The following CPA5 variants were observed in gnomAD, a reference collection of about 807,000 sequenced individuals.
CPA5 encodes carboxypeptidase A5.
CPA5 carries 38 observed loss-of-function variants against 52.2 expected under a neutral mutation model. The observed-to-expected ratio is 0.73, with a 90% confidence interval of 0.56 to 0.95. The LOEUF (loss-of-function observed/expected upper bound fraction) is 0.95. Among genes scored for constraint, CPA5 ranks in the 40% least tolerant of loss-of-function variants. The pLI, the probability that CPA5 is intolerant of heterozygous loss-of-function variation, is 0.00. For synonymous variants in CPA5, 198 were observed against 213.7 expected, an observed-to-expected ratio of 0.93 and a Z score of 0.64; for missense variants, 519 against 566.7, an observed-to-expected ratio of 0.92 and a Z score of 0.86.
In CPA5 at chr7:130,361,224, C is replaced by A; in HGVS notation, c.514C>A (p.Gln172Lys). The change falls in exon 7 of 13, where the codon CAG becomes AAG. Residue 172 changes from glutamine (Q) to lysine (K), a missense_variant. Coordinates refer to ENST00000474905, the MANE Select transcript of CPA5 (RefSeq NM_080385.5). ...KIQIGNSFEN[Q>K]SILVLKFSTG... ...TCAGATTGGCAACAGCTTTGAAAAC[C>A]AGTCCATTCTTGTCCTGAAGGTAAA... 1 of 1,613,086 alleles carries A rather than the reference C, an allele frequency of 6.2e-7. No homozygotes were observed. Among genetic ancestry groups the A allele is most frequent in the East Asian group, 2.2e-5 (1 of 44,882 alleles).
chr7:130,356,268 T>C (rs1795471245), intron 5 of CPA5, among the ~76,000 whole-genome samples: 1 of 152,172 alleles, frequency 6.6e-6, no homozygotes, highest in Non-Finnish European at 1.5e-5. Flanking sequence ...AGGACTGTTC[T>C]TCCCTTAGGG....
At chr7:130,349,544 T>C (rs1554403300) in intron 4 of CPA5, among the ~76,000 whole-genome samples, 1 of 152,240 alleles carries the variant, frequency 6.6e-6, no homozygotes, top group African/African-American at 2.4e-5. Flanking sequence ...AATTTAATTG[T>C]ATATTTTAAA....
chr7:130,367,788 T>G, intron 11 of CPA5, 118 bp from the exon 12 acceptor site: 1 of 957,404 alleles, frequency 1.0e-6, no homozygotes, highest in South Asian at 1.4e-5. Context: ...AAGGGCCATC[T>G]CCACCTTCAA....
At chr7:130,354,581 AT>A (rs1262223934) in intron 5 of CPA5, among the ~76,000 whole-genome samples, 19 of 148,366 alleles carry the variant, frequency 1.3e-4, no homozygotes, top group African/African-American at 2.0e-4. Context: ...ATTATTATTA[AT>A]TTTTTTTTTA....
At chr7:130,369,288 C>T (rs1040385603), downstream of CPA5, among the ~76,000 whole-genome samples, 3 of 152,174 alleles carry the variant, frequency 2.0e-5, no homozygotes, top group Non-Finnish European at 2.9e-5. Flanking sequence ...TCATCATCAG[C>T]GACACCATCC....
chr7:130,357,950 CTCTG>C (rs1284369986), intron 5 of CPA5, among the ~76,000 whole-genome samples: 58 of 77,944 alleles, frequency 7.4e-4, no homozygotes, highest in Admixed American at 1.2e-3. Context: ...GTTTTTGTGC[CTCTG>C]TGTGTGTGTG....
At chr7:130,358,131 T>C (rs1275061158) in intron 5 of CPA5, among the ~76,000 whole-genome samples, 1 of 152,088 alleles carries the variant, frequency 6.6e-6, no homozygotes, top group African/African-American at 2.4e-5. Context: ...TAGATGGGAC[T>C]GCGGGCATGC....
At chr7:130,368,378 T>C (rs17164865) in intron 12 of CPA5, 32 bp from the exon 13 acceptor site, 11 of 1,607,058 alleles carry the variant, frequency 6.8e-6, no homozygotes, top group Non-Finnish European at 9.4e-6. Flanking sequence ...TTCTTCCTTT[T>C]GTGGGGCACA....
Position 130,368,397 on chromosome 7 carries a change from CT to C in CPA5, c.1124-9del, listed in dbSNP as rs782551097. The stretch of plus-strand genomic sequence containing the variant: ...TCCTTTTGTGGGGCACATTTTGGAA[CT>C]TTTGTTTCTAGATGTGGCCAGTGGG... On this transcript the variant is annotated splice_polypyrimidine_tract_variant and intron_variant, in intron 12 of 12. Coordinates refer to ENST00000474905, the MANE Select transcript of CPA5 (RefSeq NM_080385.5). 1.2e-6 allele frequency: 2 copies of C among 1,612,514 alleles called. No individual in the cohort carries two copies. The highest frequency in any genetic ancestry group is 1.7e-6 in the Non-Finnish European group (2 of 1,179,000).
intron 10 of CPA5, among the ~76,000 whole-genome samples, chr7:130,366,966 G>A (rs1335125904): frequency 2.6e-5 from 4 of 152,194 alleles, no homozygotes; most frequent in Non-Finnish European, 5.9e-5. Flanking sequence ...TTAGATTAGA[G>A]GATGCAGCAG....
At chr7:130,369,111 G>T (rs575594099), downstream of CPA5, among the ~76,000 whole-genome samples, 1 of 152,272 alleles carries the variant, frequency 6.6e-6, no homozygotes, top group Non-Finnish European at 1.5e-5. Flanking sequence ...GCACATTTTG[G>T]AGGTTACCAC....
intron 5 of CPA5, among the ~76,000 whole-genome samples, chr7:130,351,482 C>T (rs1325120319): frequency 6.6e-6 from 1 of 152,178 alleles, no homozygotes; most frequent in Non-Finnish European, 1.5e-5. Context: ...TCCGCAGCCC[C>T]GAGTCCCTCT....
intron 11 of CPA5, 133 bp downstream of exon 11, chr7:130,367,704 G>A (rs1796176370): frequency 1.1e-6 from 1 of 946,610 alleles, no homozygotes; most frequent in Non-Finnish European, 1.7e-6. Context: ...ATGGTGCGGG[G>A]GTGGGGTAGG....
intron 5 of CPA5, among the ~76,000 whole-genome samples, chr7:130,353,186 C>T (rs549541264): frequency 8.6e-5 from 13 of 151,350 alleles, no homozygotes; most frequent in African/African-American, 2.9e-4. Flanking sequence ...TATGCTTCCC[C>T]ATAGACTGAA....
chr7:130,351,259 A>T (rs1261875480), intron 5 of CPA5, among the ~76,000 whole-genome samples: 1 of 152,260 alleles, frequency 6.6e-6, no homozygotes, highest in Non-Finnish European at 1.5e-5. Flanking sequence ...CTACCACATC[A>T]AAAGAAATAG....
intron 4 of CPA5, 147 bp downstream of exon 4, chr7:130,347,994 C>T: frequency 3.2e-6 from 2 of 626,924 alleles, no homozygotes; most frequent in Non-Finnish European, 2.8e-6. Context: ...ACACGTGGCT[C>T]CACTTCAGGA....
chr7:130,366,284 C>T (rs1554408337), intron 10 of CPA5, among the ~76,000 whole-genome samples: 1 of 152,154 alleles, frequency 6.6e-6, no homozygotes, highest in Non-Finnish European at 1.5e-5. Flanking sequence ...CAGGAGACTT[C>T]AGAAGTTGAG....
intron 12 of CPA5, 130 bp downstream of exon 12, chr7:130,368,120 T>G (rs1796203110): frequency 6.9e-6 from 6 of 870,826 alleles, no homozygotes; most frequent in Non-Finnish European, 1.1e-5. Context: ...TGAACAGTGG[T>G]ACCCAGGGAG....
intron 7 of CPA5, 93 bp from the exon 8 acceptor site, chr7:130,362,345 C>A (rs1795834251): frequency 2.4e-6 from 2 of 825,836 alleles, no homozygotes; most frequent in South Asian, 1.6e-5. Context: ...GCCCCAGGCA[C>A]TGAGGATGCC....
Sources: gnomAD v4.1 joint callset for allele counts (sites outside exome capture counted in the v4.1 genomes callset) on GRCh38, gnomAD v4.1.1 for gene constraint, MANE v1.5 for transcripts, NCBI Gene and HGNC (gene_info 2026-07-23, HGNC 2026-07-21) for gene names.